MAMDC2: variants seen among roughly 807,000 people sequenced by gnomAD.
MAMDC2 encodes the protein MAM domain-containing protein 2.
In MAMDC2, 57 loss-of-function variants were observed where a neutral mutation model predicts 89.8. The observed-to-expected ratio is 0.63, with a 90% CI of 0.51 to 0.79. The LOEUF is 0.79. Among genes scored for constraint, MAMDC2 ranks in the 30% least tolerant of loss-of-function variants. The pLI, the probability that MAMDC2 is intolerant of heterozygous loss-of-function variation, is 0.00. For missense variants in MAMDC2, 800 were observed against 820.6 expected (o/e 0.97, Z 0.31); for synonymous variants, 313 against 293.4 (o/e 1.07, Z -0.68).
chr9:70,149,028 CAAA>C (rs58600001), intron 9 of MAMDC2, among the ~76,000 whole-genome samples: 1 of 70,650 alleles, frequency 1.4e-5, no homozygotes, highest in Non-Finnish European at 2.7e-5. Context: ...GACTCTGTCT[CAAA>C]AAAAAAAAAA....
Position 70,091,050 on chromosome 9 carries a change from G to A in MAMDC2, c.149-17161G>A, listed in dbSNP as rs115125521. Among the ~76,000 whole-genome samples, 953 of 152,274 alleles carry A rather than the reference G, an allele frequency of 6.3e-3. 14 individuals carry two copies. Among genetic ancestry groups the A allele is most frequent in the African/African-American group, 0.022 (920 of 41,560 alleles). On this transcript the variant is annotated intron_variant, in intron 2 of 13. Coordinates refer to ENST00000377182, the MANE Select transcript of MAMDC2 (RefSeq NM_153267.5). The stretch of plus-strand genomic sequence containing the variant: ...TAACTGTTTGTAGAAAAATTAAAAG[G>A]CTATATCTAAAGATATGTTTGTGTG...
At chr9:70,066,381 G>A (rs946370565) in intron 2 of MAMDC2, among the ~76,000 whole-genome samples, 1 of 152,216 alleles carries the variant, frequency 6.6e-6, no homozygotes, top group Admixed American at 6.5e-5. Flanking sequence ...CCAGGCCAGA[G>A]CACTTAGGAA....
chr9:70,110,113 G>A (rs1033302832), intron 4 of MAMDC2, among the ~76,000 whole-genome samples: 6 of 152,176 alleles, frequency 3.9e-5, no homozygotes, highest in Non-Finnish European at 8.8e-5. Context: ...ACAAATTGCT[G>A]GAAACTCAGC....
At chr9:70,174,315 G>A (rs1044412150) in intron 11 of MAMDC2, among the ~76,000 whole-genome samples, 57 of 152,302 alleles carry the variant, frequency 3.7e-4, no homozygotes, top group African/African-American at 1.3e-3. Flanking sequence ...TAGTAGAGGA[G>A]ACAGACAAGA....
chr9:70,209,365 A>G (rs1043224049), intron 11 of MAMDC2, among the ~76,000 whole-genome samples: 1 of 152,010 alleles, frequency 6.6e-6, no homozygotes, highest in Non-Finnish European at 1.5e-5. Flanking sequence ...TTGGGAGGGC[A>G]TATGTGTTGA....
At chr9:70,056,610 G>A (rs992990491) in intron 2 of MAMDC2, among the ~76,000 whole-genome samples, 1 of 152,106 alleles carries the variant, frequency 6.6e-6, no homozygotes. Flanking sequence ...ATTGGCACGC[G>A]GCGTGATTCA....
chr9:70,050,698 TCAGA>T (rs1251005195), intron 2 of MAMDC2, among the ~76,000 whole-genome samples: 1 of 152,210 alleles, frequency 6.6e-6, no homozygotes, highest in African/African-American at 2.4e-5. Flanking sequence ...TTTTTCTAAC[TCAGA>T]CAGCTTTCCA....
At chr9:70,118,946 G>A (rs979124857) in intron 5 of MAMDC2, among the ~76,000 whole-genome samples, 1 of 152,100 alleles carries the variant, frequency 6.6e-6, no homozygotes, top group Non-Finnish European at 1.5e-5. Context: ...GGTTTTTAAT[G>A]AGCATTGTTC....
intron 11 of MAMDC2, among the ~76,000 whole-genome samples, chr9:70,185,089 T>C (rs979532416): frequency 9.2e-5 from 14 of 152,180 alleles, no homozygotes; most frequent in African/African-American, 3.4e-4. Context: ...GTGTTGATGT[T>C]GATATTATTG....
chr9:70,222,424 G>A (rs2118700076), intron 12 of MAMDC2, among the ~76,000 whole-genome samples: 1 of 152,198 alleles, frequency 6.6e-6, no homozygotes, highest in East Asian at 1.9e-4. Flanking sequence ...AATGGGGGTG[G>A]GCAGGTAGAG....
intron 2 of MAMDC2, among the ~76,000 whole-genome samples, chr9:70,062,060 G>T (rs1827161125): frequency 6.6e-6 from 1 of 152,186 alleles, no homozygotes. Context: ...CTGAGCAGCA[G>T]TCTACCCAAT....
chr9:70,218,836 A>T (rs575482699), intron 12 of MAMDC2, among the ~76,000 whole-genome samples: 3 of 152,218 alleles, frequency 2.0e-5, no homozygotes, highest in East Asian at 3.8e-4. Context: ...TGATAAAAGT[A>T]TATCTATTTT....
intron 2 of MAMDC2, among the ~76,000 whole-genome samples, chr9:70,084,504 A>G (rs780099793): frequency 2.1e-4 from 32 of 152,168 alleles, no homozygotes; most frequent in South Asian, 1.2e-3. Flanking sequence ...ATCACACGCT[A>G]GATAGGTATC....
chr9:70,048,421 G>A (rs1306845506), intron 2 of MAMDC2, among the ~76,000 whole-genome samples: 17 of 152,090 alleles, frequency 1.1e-4, no homozygotes, highest in Admixed American at 1.1e-3. Context: ...GCATGCACCT[G>A]TAGTACCATC....
chr9:70,096,000 C>T (rs1828018336), intron 2 of MAMDC2, among the ~76,000 whole-genome samples: 1 of 152,010 alleles, frequency 6.6e-6, no homozygotes, highest in South Asian at 2.1e-4. Flanking sequence ...GGACATAGGA[C>T]TTTAAATTTA....
chr9:70,117,730 G>C (rs1230121762), intron 5 of MAMDC2, among the ~76,000 whole-genome samples: 1 of 152,044 alleles, frequency 6.6e-6, no homozygotes, highest in Non-Finnish European at 1.5e-5. Flanking sequence ...CCTTGTATGG[G>C]ACACAAAGGT....
chr9:70,143,826 C>A lies in MAMDC2; in HGVS notation c.1404+7C>A. The A allele has an allele frequency of 1.2e-6, 2 of 1,611,630 alleles. No homozygotes were observed. Among genetic ancestry groups the A allele is most frequent in the South Asian group, 2.2e-5 (2 of 90,978 alleles). On this transcript the variant is annotated splice_region_variant and intron_variant, in intron 9 of 13. Coordinates refer to ENST00000377182, the MANE Select transcript of MAMDC2 (RefSeq NM_153267.5). ...GAAGCCCATGCCTACCAAGGTACAG[C>A]AGAGCCAATTTCTCCTGTGTCCATG... is the stretch of plus-strand genomic sequence containing the variant.
intron 9 of MAMDC2, among the ~76,000 whole-genome samples, chr9:70,150,706 C>T (rs529713475): frequency 1.3e-4 from 20 of 152,286 alleles, no homozygotes; most frequent in African/African-American, 4.1e-4. Context: ...CAGTGACACC[C>T]CTAAAATTCA....
rs142836986 is a variant in MAMDC2, at chr9:70,124,938, T to A, written c.644-1221T>A. 7.2e-3 allele frequency among the ~76,000 whole-genome samples: 1,098 copies of A among 152,352 alleles called. 8 individuals are homozygous for A. Among genetic ancestry groups the A allele is most frequent in the African/African-American group, 0.025 (1,033 of 41,584 alleles). On this transcript the variant is annotated intron_variant, in intron 5 of 13. Coordinates refer to ENST00000377182, the MANE Select transcript of MAMDC2 (RefSeq NM_153267.5). ...GTTGCCCAGGCTGGTCTCAAGTTCCTGGCCTCAAGCAATGCTCCCGCCTCA... is the reference window on the plus strand; with the variant it reads ...GTTGCCCAGGCTGGTCTCAAGTTCCAGGCCTCAAGCAATGCTCCCGCCTCA...
Sources: gnomAD v4.1 joint callset for allele counts (sites outside exome capture counted in the v4.1 genomes callset) on GRCh38, gnomAD v4.1.1 for gene constraint, MANE v1.5 for transcripts, NCBI Gene and HGNC (gene_info 2026-07-23, HGNC 2026-07-21) for gene names.